Variants in CMKLR2 observed in about 807,000 individuals in gnomAD.
The protein encoded by CMKLR2 is chemerin chemokine-like receptor 2.
A neutral mutation model predicts 23.0 loss-of-function variants in CMKLR2; 18 were observed. The observed-to-expected ratio is 0.78, with a 90% CI of 0.54 to 1.16. CMKLR2 has a LOEUF of 1.16. CMKLR2 is among the 50% of genes most tolerant of loss of function. The pLI is 0.00. For missense variants in CMKLR2, 401 were observed against 412.7 expected (o/e 0.97, Z 0.25); for synonymous variants, 158 against 158.9 (o/e 0.99, Z 0.05).
At chr2:206,217,045 T>A (rs879352715), upstream of CMKLR2, among the ~76,000 whole-genome samples, 2 of 152,124 alleles carry the variant, frequency 1.3e-5, no homozygotes, top group Non-Finnish European at 2.9e-5. Flanking sequence ...TATCATCAAG[T>A]CATATTAATT....
chr2:206,196,684 T>A (rs1688933861), intron 1 of CMKLR2, among the ~76,000 whole-genome samples: 1 of 152,132 alleles, frequency 6.6e-6, no homozygotes, highest in Non-Finnish European at 1.5e-5. Flanking sequence ...AGAACAGTTT[T>A]TAATTTTGAG....
At chr2:206,190,040 G>A (rs937154118) in intron 1 of CMKLR2, among the ~76,000 whole-genome samples, 2 of 152,228 alleles carry the variant, frequency 1.3e-5, no homozygotes, top group Admixed American at 6.5e-5. Context: ...GGAAATTGAA[G>A]GTTGGGTGGT....
chr2:206,196,997 C>T (rs533560225), intron 1 of CMKLR2, among the ~76,000 whole-genome samples: 1 of 152,300 alleles, frequency 6.6e-6, no homozygotes, highest in South Asian at 2.1e-4. Flanking sequence ...CAACCTCCAC[C>T]TCCTGGGTTC....
At chr2:206,201,690 C>T (rs901226965) in intron 1 of CMKLR2, among the ~76,000 whole-genome samples, 1 of 151,832 alleles carries the variant, frequency 6.6e-6, no homozygotes, top group African/African-American at 2.4e-5. Flanking sequence ...CTTGGGCTGT[C>T]TTAATAGAAT....
chr2:206,210,922 A>C (rs1457781128), intron 1 of CMKLR2, among the ~76,000 whole-genome samples: 2 of 152,200 alleles, frequency 1.3e-5, no homozygotes, highest in Non-Finnish European at 2.9e-5. Flanking sequence ...AATTAAGGAT[A>C]TCATATCTAT....
chr2:206,184,710 G>T (rs964912820), intron 1 of CMKLR2, among the ~76,000 whole-genome samples: 1 of 152,094 alleles, frequency 6.6e-6, no homozygotes, highest in Non-Finnish European at 1.5e-5. Context: ...TAACTCAGGA[G>T]TGGCAACCAC....
upstream of CMKLR2, among the ~76,000 whole-genome samples, chr2:206,216,042 A>G (rs940282274): frequency 3.3e-5 from 5 of 152,232 alleles, no homozygotes; most frequent in African/African-American, 1.2e-4. Context: ...AACTTCTGCC[A>G]GGTAGAAGGA....
intron 1 of CMKLR2, among the ~76,000 whole-genome samples, chr2:206,201,103 C>T (rs975655361): frequency 2.0e-5 from 3 of 152,094 alleles, no homozygotes; most frequent in Non-Finnish European, 4.4e-5. Flanking sequence ...AGGCACCCAC[C>T]ACCACTCCTG....
intron 1 of CMKLR2, among the ~76,000 whole-genome samples, chr2:206,181,198 C>T (rs183489131): frequency 5.9e-5 from 9 of 152,038 alleles, no homozygotes; most frequent in Non-Finnish European, 1.0e-4. Context: ...CCTGGGACTA[C>T]AGGCTTTTGC....
intron 1 of CMKLR2, among the ~76,000 whole-genome samples, chr2:206,190,615 G>A (rs117797900): frequency 3.3e-5 from 5 of 152,288 alleles, no homozygotes; most frequent in East Asian, 3.9e-4. Context: ...TCACAATAAC[G>A]TTTTTCTTGA....
chr2:206,193,701 A>C (rs796081731), intron 1 of CMKLR2, among the ~76,000 whole-genome samples: 48 of 152,290 alleles, frequency 3.2e-4, no homozygotes, highest in African/African-American at 1.1e-3. Context: ...AGATTATAAA[A>C]CTTCTCATAA....
At chr2:206,206,696 C>T (rs907588965) in intron 1 of CMKLR2, among the ~76,000 whole-genome samples, 2 of 152,144 alleles carry the variant, frequency 1.3e-5, no homozygotes, top group Non-Finnish European at 2.9e-5. Context: ...TTTTGCTTAC[C>T]TTCATACTCC....
intron 1 of CMKLR2, among the ~76,000 whole-genome samples, chr2:206,183,771 G>T (rs1198651233): frequency 6.6e-6 from 1 of 152,178 alleles, no homozygotes; most frequent in African/African-American, 2.4e-5. Flanking sequence ...CTGTCCTACT[G>T]AGTCCTTGAG....
At chr2:206,216,840 G>T (rs773631919), upstream of CMKLR2, among the ~76,000 whole-genome samples, 6 of 152,186 alleles carry the variant, frequency 3.9e-5, no homozygotes, top group Non-Finnish European at 5.9e-5. Flanking sequence ...GCGATTTTAA[G>T]TGGGTCATCC....
intron 1 of CMKLR2, among the ~76,000 whole-genome samples, chr2:206,190,846 T>A (rs1370438445): frequency 6.6e-6 from 1 of 152,224 alleles, no homozygotes; most frequent in African/African-American, 2.4e-5. Context: ...TCAGCCCCCA[T>A]GCTTCACTTT....
chr2:206,175,365 T>C lies in CMKLR2; in HGVS notation c.*815A>G, dbSNP rs1688173160. On this transcript the variant is annotated 3_prime_UTR_variant, in exon 2 of 2. Coordinates refer to ENST00000621141, the MANE Select transcript of CMKLR2 (RefSeq NM_001389445.1). ...TAATTCATAAATGTATATACATAGA[T>C]TACATAAAGAAATTAAGTACACATG... 6.6e-6 allele frequency: 1 copy of C among 152,212 alleles called. No homozygotes were observed. The highest frequency in any genetic ancestry group is 1.5e-5 in the Non-Finnish European group (1 of 68,034). The allele number at this position is 152,212 out of a possible 1,614,324, so 9.4% of individuals were successfully genotyped here.
At chr2:206,184,910 A>G (rs1379747100) in intron 1 of CMKLR2, among the ~76,000 whole-genome samples, 1 of 152,238 alleles carries the variant, frequency 6.6e-6, no homozygotes, top group African/African-American at 2.4e-5. Flanking sequence ...TACATTGTAT[A>G]TTAAAAGATG....
At chr2:206,182,041 T>A (rs965119026) in intron 1 of CMKLR2, among the ~76,000 whole-genome samples, 1 of 151,368 alleles carries the variant, frequency 6.6e-6, no homozygotes, top group Non-Finnish European at 1.5e-5. Flanking sequence ...ATAAAGGGCT[T>A]CATCCTCATC....
At chr2:206,213,913 G>T (rs1200136842), upstream of CMKLR2, among the ~76,000 whole-genome samples, 1 of 152,112 alleles carries the variant, frequency 6.6e-6, no homozygotes, top group East Asian at 1.9e-4. Context: ...GAGTGCAATG[G>T]CACAATCTCG....
Sources: allele counts gnomAD v4.1 joint callset (sites outside exome capture counted in the v4.1 genomes callset), GRCh38; gene constraint gnomAD v4.1.1; transcripts MANE v1.5; gene names NCBI Gene and HGNC (gene_info 2026-07-23, HGNC 2026-07-21).